Variants in CALN1 observed in about 807,000 individuals in gnomAD.
The protein encoded by CALN1 is calcium-binding protein 8.
Under a neutral mutation model 30.6 loss-of-function variants are expected in CALN1, and 17 were observed. The observed-to-expected ratio is 0.56, with a 90% CI of 0.38 to 0.83. The LOEUF (loss-of-function observed/expected upper bound fraction) is 0.83. CALN1 is among the 40% of genes least tolerant of loss of function. The pLI is 0.00. For synonymous variants in CALN1, 156 were observed against 131.4 expected (o/e 1.19, Z -1.28); for missense variants, 291 against 354.9 (o/e 0.82, Z 1.45).
At position 71,969,385 on chromosome 7, in the gene CALN1, G is replaced by A. The variant is rs191687831; in HGVS notation, c.501+54272C>T. 3.0e-3 allele frequency among the ~76,000 whole-genome samples: 456 copies of A among 152,060 alleles called. 1 individual carries two copies. Among genetic ancestry groups the A allele is most frequent in the Non-Finnish European group, 2.9e-3 (198 of 67,976 alleles). On this transcript the variant is annotated intron_variant, in intron 5 of 6. Coordinates refer to ENST00000395275, the MANE Select transcript of CALN1 (RefSeq NM_031468.4). ...TGTCCTGATTTCTTTCTAACAAACC[G>A]TTTTATCTTAATGTGGTCTAGATAC...
chr7:71,796,408 G>T (rs1786927917), intron 6 of CALN1, among the ~76,000 whole-genome samples: 1 of 142,758 alleles, frequency 7.0e-6, no homozygotes, highest in Non-Finnish European at 1.5e-5. Flanking sequence ...CGCCCGGGCT[G>T]GTGTGCAGTG....
intron 3 of CALN1, among the ~76,000 whole-genome samples, chr7:72,224,787 A>T (rs77820388): frequency 5.2e-4 from 77 of 148,072 alleles, no homozygotes; most frequent in African/African-American, 1.6e-3. Context: ...TCAAAAAATT[A>T]AAAAAAAAGA....
intron 3 of CALN1, among the ~76,000 whole-genome samples, chr7:72,138,396 T>C (rs1178777171): frequency 6.6e-6 from 1 of 152,202 alleles, no homozygotes; most frequent in Non-Finnish European, 1.5e-5. Flanking sequence ...ATACAAGTGT[T>C]CTCTCCATGC....
intron 5 of CALN1, among the ~76,000 whole-genome samples, chr7:71,954,058 C>T (rs1390582853): frequency 6.6e-6 from 1 of 152,100 alleles, no homozygotes; most frequent in Non-Finnish European, 1.5e-5. Flanking sequence ...GCACAGTGGC[C>T]CACGCCTGTA....
chr7:72,230,239 C>T (rs558853613), intron 3 of CALN1, among the ~76,000 whole-genome samples: 1 of 151,670 alleles, frequency 6.6e-6, no homozygotes, highest in South Asian at 2.1e-4. Context: ...CAAACCTGCA[C>T]GTTCTGCACA....
chr7:72,006,864 C>T (rs1001275951), intron 5 of CALN1, among the ~76,000 whole-genome samples: 1 of 152,076 alleles, frequency 6.6e-6, no homozygotes, highest in African/African-American at 2.4e-5. Context: ...CTCCCAGACT[C>T]CTAAAATAAC....
chr7:72,341,048 A>G (rs1380633118), intron 2 of CALN1, among the ~76,000 whole-genome samples: 1 of 152,180 alleles, frequency 6.6e-6, no homozygotes, highest in Non-Finnish European at 1.5e-5. Context: ...TTCATACAGA[A>G]GGTATTATAT....
intron 2 of CALN1, among the ~76,000 whole-genome samples, chr7:72,394,251 C>T (rs1805771918): frequency 1.3e-5 from 2 of 152,164 alleles, no homozygotes; most frequent in African/African-American, 2.4e-5. Context: ...CTGGTGTCCT[C>T]GTCCTCAAAA....
chr7:72,164,076 T>C (rs995840446), intron 3 of CALN1, among the ~76,000 whole-genome samples: 17 of 152,130 alleles, frequency 1.1e-4, no homozygotes, highest in African/African-American at 4.8e-5. Flanking sequence ...TTTAAGAAGA[T>C]GGCCATATGG....
upstream of CALN1, among the ~76,000 whole-genome samples, chr7:72,451,253 A>AGAGGAGGAG (rs35134740): frequency 7.7e-6 from 1 of 129,628 alleles, no homozygotes; most frequent in African/African-American, 3.2e-5. Context: ...AAGAGGAGGA[A>AGAGGAGGAG]GAGGAGGAGG....
chr7:72,388,424 G>GA (rs1352157662), intron 2 of CALN1, among the ~76,000 whole-genome samples: 1 of 151,934 alleles, frequency 6.6e-6, no homozygotes, highest in Non-Finnish European at 1.5e-5. Flanking sequence ...TCCAAGCACA[G>GA]AAAAAGGACA....
At chr7:72,057,717 T>C (rs937546190) in intron 4 of CALN1, among the ~76,000 whole-genome samples, 2 of 141,294 alleles carry the variant, frequency 1.4e-5, no homozygotes, top group East Asian at 3.2e-4. Flanking sequence ...AGAAGACTTA[T>C]TGGGAAAAAA....
At chr7:72,120,366 A>T (rs1808292755) in intron 3 of CALN1, among the ~76,000 whole-genome samples, 1 of 152,086 alleles carries the variant, frequency 6.6e-6, no homozygotes, top group South Asian at 2.1e-4. Context: ...CCATATTGGT[A>T]ACTAGTCTGC....
chr7:72,020,821 TG>T (rs1800661725), intron 5 of CALN1, among the ~76,000 whole-genome samples: 1 of 152,200 alleles, frequency 6.6e-6, no homozygotes. Flanking sequence ...CACGCTCTAC[TG>T]TGATGAACCT....
At chr7:72,491,107 G>A in the CALN1 span, among the ~76,000 whole-genome samples, 3 of 152,214 alleles carry the variant, frequency 2.0e-5, no homozygotes, top group East Asian at 5.8e-4. Context: ...AGCCAGGCGT[G>A]GTGGCAGGCG....
the CALN1 span, among the ~76,000 whole-genome samples, chr7:72,472,432 A>C: frequency 2.6e-5 from 4 of 151,766 alleles, no homozygotes; most frequent in Admixed American, 2.6e-4. Context: ...ACCTGCCCCC[A>C]CCCATTGGCC....
rs774010118 is a variant in CALN1, at chr7:72,403,288, C to T, written c.82G>A (p.Glu28Lys). The change falls in exon 2 of 7, where the codon GAG becomes AAG. Residue 28 changes from glutamate to lysine, a missense_variant. Glu to Lys is a moderately conservative substitution (Grantham distance 56). Coordinates refer to ENST00000395275, the MANE Select transcript of CALN1 (RefSeq NM_031468.4). ...GDGGALGGGEEPPRSQAPDFP... is the reference protein window; with the variant it reads ...GDGGALGGGEKPPRSQAPDFP... ...TCGGGGGCCTGGCTCCTCGGCGGCTCCTCTCCCCCTCCGAGGGCTCCTCCG... is the reference window on the plus strand; with the variant it reads ...TCGGGGGCCTGGCTCCTCGGCGGCTTCTCTCCCCCTCCGAGGGCTCCTCCG... The T allele has an allele frequency of 1.9e-5, 30 of 1,550,356 alleles. No homozygotes were observed. Among genetic ancestry groups the T allele is most frequent in the Non-Finnish European group, 2.5e-5 (29 of 1,146,958 alleles).
intron 5 of CALN1, among the ~76,000 whole-genome samples, chr7:71,922,705 ATATAT>A (rs2129518153): frequency 7.2e-6 from 1 of 138,400 alleles, no homozygotes; most frequent in Admixed American, 7.8e-5. Context: ...AACATACAGA[ATATAT>A]TATATAAATA....
At chr7:72,184,839 C>G (rs903050412) in intron 3 of CALN1, among the ~76,000 whole-genome samples, 2 of 151,944 alleles carry the variant, frequency 1.3e-5, no homozygotes, top group African/African-American at 4.8e-5. Flanking sequence ...GTCACCCAGG[C>G]TGGAATGCAG....
Sources: allele counts gnomAD v4.1 joint callset (sites outside exome capture counted in the v4.1 genomes callset), GRCh38; gene constraint gnomAD v4.1.1; transcripts MANE v1.5; gene names NCBI Gene and HGNC (gene_info 2026-07-23, HGNC 2026-07-21).